DTNA: variants seen among roughly 807,000 people sequenced by gnomAD.
DTNA encodes dystrobrevin alpha, also known as dystrophin-related protein 3.
In DTNA, 43 loss-of-function variants were observed where a neutral mutation model predicts 100.7. The ratio of observed to expected loss-of-function variants is 0.43; its 90% CI spans 0.33 to 0.55. DTNA has a LOEUF of 0.55. DTNA is among the 20% of genes least tolerant of loss of function. The probability of loss-of-function intolerance (pLI) is 0.04; values close to 1 mark genes in which losing one functional copy is unlikely to be tolerated. For synonymous variants in DTNA, 349 were observed against 347.9 expected, an observed-to-expected ratio of 1.00 and a Z score of -0.04; for missense variants, 798 against 953.9, an observed-to-expected ratio of 0.84 and a Z score of 2.15.
rs557615670 is a variant in DTNA at position 34,651,429 on chromosome 18, T to G, written c.-1-104547T>G. 3.9e-5 allele frequency among the ~76,000 whole-genome samples: 6 copies of G among 152,310 alleles called. No individual in the cohort carries two copies. In the East Asian group the frequency reaches 1.2e-3, roughly 29 times the overall value. The stretch of plus-strand genomic sequence containing the variant: ...AATATTTTAATGGCCATACCCCATA[T>G]GCTAGCCACTTTTATTTTTTAAATC... On this transcript the variant is annotated intron_variant, in intron 1 of 19. Coordinates refer to the DTNA transcript ENST00000283365.
At chr18:34,578,268 A>G (rs760543296) in intron 1 of DTNA, among the ~76,000 whole-genome samples, 3 of 151,900 alleles carry the variant, frequency 2.0e-5, no homozygotes, top group Non-Finnish European at 4.4e-5. Context: ...CCATTTGTAT[A>G]TCTTCTTTTG....
At chr18:34,568,972 C>A (rs1420043352) in intron 1 of DTNA, among the ~76,000 whole-genome samples, 1 of 152,212 alleles carries the variant, frequency 6.6e-6, no homozygotes, top group Non-Finnish European at 1.5e-5. Flanking sequence ...GACTGTCAAT[C>A]AAGACTCTTG....
At chr18:34,729,585 G>A (rs573259255) in intron 1 of DTNA, among the ~76,000 whole-genome samples, 1 of 152,308 alleles carries the variant, frequency 6.6e-6, no homozygotes, top group South Asian at 2.1e-4. Flanking sequence ...AAAATCAGAT[G>A]TAGGATTCAA....
chr18:34,828,398 A>G (rs2095912079), intron 10 of DTNA, among the ~76,000 whole-genome samples: 1 of 152,224 alleles, frequency 6.6e-6, no homozygotes, highest in Admixed American at 6.5e-5. Flanking sequence ...GGGAAAGCAA[A>G]AACAAAGGTA....
intron 16 of DTNA, among the ~76,000 whole-genome samples, chr18:34,860,231 T>G (rs930600918): frequency 3.4e-4 from 46 of 135,430 alleles, no homozygotes; most frequent in Admixed American, 8.7e-4. Context: ...TTTTTTTTTT[T>G]TTTTTTTTTT....
At chr18:34,533,224 T>C (rs1042810020) in intron 1 of DTNA, among the ~76,000 whole-genome samples, 7 of 151,568 alleles carry the variant, frequency 4.6e-5, no homozygotes, top group Admixed American at 1.3e-4. Context: ...TAAAAAAAAT[T>C]AGCTGGGCAT....
chr18:34,640,090 G>C (rs1263050484), intron 1 of DTNA, among the ~76,000 whole-genome samples: 1 of 152,182 alleles, frequency 6.6e-6, no homozygotes, highest in Non-Finnish European at 1.5e-5. Flanking sequence ...CCTGATCTAA[G>C]TTTCAAACTC....
intron 1 of DTNA, chr18:34,514,006 G>C (rs1230522897): frequency 1.3e-5 from 2 of 152,086 alleles, no homozygotes; most frequent in African/African-American, 4.8e-5. Flanking sequence ...GAAACTGGGA[G>C]AATGGACCAG....
rs542502734 is a variant in DTNA at position 34,746,436 on chromosome 18, T to C, written c.-1-9540T>C. On this transcript the variant is annotated intron_variant, in intron 1 of 22. Coordinates refer to ENST00000444659, the MANE Select transcript of DTNA (RefSeq NM_001386795.1). ...AAAGCCTCTCTCTCCAATGTGAGGC[T>C]CAGCCATCATTTCCCTATGACAAAG... 4.6e-5 allele frequency among the ~76,000 whole-genome samples: 7 copies of C among 152,260 alleles called. No individual in the cohort carries two copies. In the East Asian group the frequency reaches 1.3e-3, roughly 29 times the overall value.
At chr18:34,695,512 G>A (rs926558867) in intron 1 of DTNA, among the ~76,000 whole-genome samples, 2 of 152,154 alleles carry the variant, frequency 1.3e-5, no homozygotes, top group African/African-American at 4.8e-5. Flanking sequence ...CTAACCAGTG[G>A]AGACGGGTCA....
intron 1 of DTNA, among the ~76,000 whole-genome samples, chr18:34,672,166 C>A (rs2076845995): frequency 6.6e-6 from 1 of 152,152 alleles, no homozygotes; most frequent in East Asian, 1.9e-4. Context: ...GAATTAATTT[C>A]AACATGGAGA....
intron 15 of DTNA, among the ~76,000 whole-genome samples, chr18:34,856,324 G>A (rs1038991631): frequency 2.6e-5 from 4 of 152,166 alleles, no homozygotes; most frequent in African/African-American, 9.7e-5. Flanking sequence ...TCTCTAAGAT[G>A]ACAACTCAAT....
At chr18:34,861,503 A>G (rs2096626991) in intron 16 of DTNA, among the ~76,000 whole-genome samples, 1 of 151,032 alleles carries the variant, frequency 6.6e-6, no homozygotes, top group South Asian at 2.1e-4. Context: ...AAAAAAAAAA[A>G]AAAAAAAAAA....
chr18:34,589,209 G>T lies in DTNA; in HGVS notation c.-2+95695G>T, dbSNP rs759847420. Reference sequence around the variant, plus strand: ...TTCTTTGTTTTTAAAATGTATGTTTGTAAGGTATACATGATGTTTTGATAT... The same window carrying T: ...TTCTTTGTTTTTAAAATGTATGTTTTTAAGGTATACATGATGTTTTGATAT... On this transcript the variant is annotated intron_variant, in intron 1 of 19. Coordinates refer to the DTNA transcript ENST00000283365. Among the ~76,000 whole-genome samples, 153 of 152,080 alleles carry T rather than the reference G, an allele frequency of 1.0e-3. 1 individual carries two copies. Among genetic ancestry groups the T allele is most frequent in the Non-Finnish European group, 2.0e-3 (137 of 67,978 alleles).
chr18:34,818,892 G>C (rs1275595083), intron 8 of DTNA, among the ~76,000 whole-genome samples: 1 of 152,100 alleles, frequency 6.6e-6, no homozygotes, highest in East Asian at 1.9e-4. Context: ...TGACCAACCT[G>C]GCAAAGGTGG....
At chr18:34,564,504 T>A (rs1045757496) in intron 1 of DTNA, among the ~76,000 whole-genome samples, 11 of 152,218 alleles carry the variant, frequency 7.2e-5, no homozygotes, top group Non-Finnish European at 1.6e-4. Context: ...ATAGTCTTAT[T>A]TATTGTTGGG....
intron 9 of DTNA, among the ~76,000 whole-genome samples, chr18:34,826,627 C>T (rs573556701): frequency 1.3e-5 from 2 of 152,248 alleles, no homozygotes; most frequent in Non-Finnish European, 2.9e-5. Context: ...ATCTTCAAAA[C>T]GTTCTATACT....
intron 1 of DTNA, among the ~76,000 whole-genome samples, chr18:34,725,533 C>G (rs2086455223): frequency 1.3e-5 from 2 of 152,128 alleles, no homozygotes; most frequent in South Asian, 4.1e-4. Flanking sequence ...AAATGCAAAT[C>G]AAAACCACAA....
intron 13 of DTNA, among the ~76,000 whole-genome samples, chr18:34,845,557 G>A (rs533734950): frequency 3.5e-4 from 54 of 152,178 alleles, no homozygotes; most frequent in African/African-American, 1.1e-3. Flanking sequence ...GGAGCAATGG[G>A]GTTATCCGCA....
Sources: gnomAD v4.1 joint callset for allele counts (sites outside exome capture counted in the v4.1 genomes callset) on GRCh38, gnomAD v4.1.1 for gene constraint, MANE v1.5 for transcripts, NCBI Gene and HGNC (gene_info 2026-07-23, HGNC 2026-07-21) for gene names.